TACC2: variants seen among roughly 807,000 people sequenced by gnomAD.
TACC2 encodes the protein transforming acidic coiled-coil-containing protein 2.
A neutral mutation model predicts 227.3 loss-of-function variants in TACC2; 137 were observed. The observed-to-expected ratio is 0.60, with a 90% CI of 0.52 to 0.69. The LOEUF is 0.69. Ranked by LOEUF, TACC2 falls within the 30% of genes least tolerant of loss-of-function variation. TACC2 has a pLI of 0.00. For missense variants in TACC2, 3,470 were observed against 3,694.4 expected, an observed-to-expected ratio of 0.94 and a Z score of 1.57; for synonymous variants, 1,523 against 1,487.5, an observed-to-expected ratio of 1.02 and a Z score of -0.55.
intron 1 of TACC2, among the ~76,000 whole-genome samples, chr10:122,015,132 T>C (rs1263768156): frequency 6.7e-6 from 1 of 150,016 alleles, no homozygotes; most frequent in Non-Finnish European, 1.5e-5. Context: ...GGACAAAACA[T>C]ATCTCATAGC....
At chr10:122,146,126 C>T (rs544059382) in intron 7 of TACC2, among the ~76,000 whole-genome samples, 1 of 152,250 alleles carries the variant, frequency 6.6e-6, no homozygotes, top group East Asian at 1.9e-4. Context: ...CACAACCTCA[C>T]TTAGTCTGGG....
Position 121,989,164 on chromosome 10 carries a change from T to G in TACC2, c.-370T>G, listed in dbSNP as rs1952935402. ...TCCCAAGTGCTGGCAGACCACTGCA[T>G]AAGTGGACAGCCTGCTCCAAGGGAA... On this transcript the variant is annotated 5_prime_UTR_variant, in exon 1 of 23. Coordinates refer to ENST00000369005, the MANE Select transcript of TACC2 (RefSeq NM_206862.4). The G allele has an allele frequency of 6.6e-6, 1 of 152,260 alleles. No individual in the cohort carries two copies. Among genetic ancestry groups the G allele is most frequent in the South Asian group, 2.1e-4 (1 of 4,836 alleles). 9.4% of individuals were successfully genotyped at this position (152,260 alleles called of 1,614,324 possible). A position where few individuals can be genotyped will look rare whatever the true frequency, so the allele number is the denominator to read the frequency against.
In TACC2 at chr10:122,087,126, A is replaced by G; in HGVS notation, c.4626A>G (p.Glu1542=). ...CTGGGGCAGCCTGGCCAGGCCTGGA[A>G]GGCCAGGCTTACTCACAGCTGGAGA... ...EGPGAAWPGL[E]GQAYSQLERS... The change falls in exon 4 of 23, where the codon GAA becomes GAG. Residue 1542 remains glutamate, a synonymous_variant. Coordinates refer to ENST00000369005, the MANE Select transcript of TACC2 (RefSeq NM_206862.4). 1 of 1,610,028 alleles carries G rather than the reference A, an allele frequency of 6.2e-7. No individual in the cohort carries two copies. The highest frequency in any genetic ancestry group is 1.1e-5 in the South Asian group (1 of 90,546).
Position 122,227,942 on chromosome 10 carries a change from A to G in TACC2, c.7830A>G (p.Pro2610=), listed in dbSNP as rs2095660063. ...ACCAAGAGTCACACTTGCAGGTGCC[A>G]GAGAAATCCTCCCAGAAGGAGCTGG... ...APNQESHLQV[P]EKSSQKELEA... The change falls in exon 14 of 23, where the codon CCA becomes CCG. Residue 2610 remains proline, a synonymous_variant. Transcript: ENST00000369005. 6.2e-7 allele frequency: 1 copy of G among 1,614,260 alleles called. No homozygotes were observed. Among genetic ancestry groups the G allele is most frequent in the African/African-American group, 1.3e-5 (1 of 75,074 alleles).
chr10:122,075,200 A>AAG (rs1554997867), intron 3 of TACC2, among the ~76,000 whole-genome samples: 41,698 of 121,672 alleles, frequency 0.34, 6,320 homozygotes, highest in Non-Finnish European at 0.36. Context: ...AAAAAAAAAA[A>AAG]AAAGAAAGAA....
At chr10:122,164,721 A>G (rs1277676869) in intron 7 of TACC2, among the ~76,000 whole-genome samples, 1 of 152,098 alleles carries the variant, frequency 6.6e-6, no homozygotes, top group African/African-American at 2.4e-5. Context: ...GGCGTATTGA[A>G]TGGGTCTGCC....
At chr10:122,052,682 C>CAAAAAAAAAA (rs35294781) in intron 3 of TACC2, 1 of 133,838 alleles carries the variant, frequency 7.5e-6, no homozygotes, top group Non-Finnish European at 1.6e-5. Flanking sequence ...GACTACGCCT[C>CAAAAAAAAAA]AAAAAAAAAA....
chr10:122,237,882 CT>C (rs2095890226), intron 17 of TACC2, 78 bp from the exon 18 acceptor site: 2 of 1,073,032 alleles, frequency 1.9e-6, no homozygotes, highest in Admixed American at 2.2e-5. Context: ...TCACCGTCTC[CT>C]TTTCTTGATC....
chr10:122,197,591 C>A (rs1274932514), intron 8 of TACC2, among the ~76,000 whole-genome samples: 1 of 152,230 alleles, frequency 6.6e-6, no homozygotes, highest in Non-Finnish European at 1.5e-5. Flanking sequence ...AAGATAACCC[C>A]CACCAGGGAA....
intron 19 of TACC2, among the ~76,000 whole-genome samples, chr10:122,245,361 T>A (rs1392095293): frequency 6.6e-6 from 1 of 152,098 alleles, no homozygotes; most frequent in Non-Finnish European, 1.5e-5. Context: ...TAATTCTATT[T>A]TTAAAAAGGG....
intron 2 of TACC2, among the ~76,000 whole-genome samples, chr10:122,035,854 TGAG>T (rs1043469598): frequency 7.2e-5 from 11 of 152,206 alleles, no homozygotes; most frequent in African/African-American, 2.6e-4. Context: ...ATTCTGTCGC[TGAG>T]GATGGAGTGC....
At chr10:122,043,476 T>G (rs2074558390) in intron 2 of TACC2, among the ~76,000 whole-genome samples, 1 of 150,792 alleles carries the variant, frequency 6.6e-6, no homozygotes, top group African/African-American at 2.4e-5. Flanking sequence ...TTTCTTTCTT[T>G]TTCTCTTTCT....
intron 5 of TACC2, among the ~76,000 whole-genome samples, chr10:122,131,878 C>T (rs1368350424): frequency 2.0e-5 from 3 of 151,882 alleles, no homozygotes; most frequent in East Asian, 3.9e-4. Flanking sequence ...AAAAATTAGC[C>T]AGGCGTGGTG....
intron 3 of TACC2, among the ~76,000 whole-genome samples, chr10:122,073,135 A>G (rs2078325491): frequency 1.3e-5 from 1 of 78,784 alleles, no homozygotes; most frequent in Non-Finnish European, 2.8e-5. Flanking sequence ...AAATATATAT[A>G]TATATATATA....
chr10:122,035,431 T>C (rs1386886959), intron 2 of TACC2, among the ~76,000 whole-genome samples: 1 of 152,184 alleles, frequency 6.6e-6, no homozygotes, highest in East Asian at 1.9e-4. Context: ...CTTTATTAAA[T>C]GTGTATTGTT....
At chr10:122,240,048 G>A (rs1297978447) in intron 18 of TACC2, among the ~76,000 whole-genome samples, 1 of 152,220 alleles carries the variant, frequency 6.6e-6, no homozygotes, top group Non-Finnish European at 1.5e-5. Context: ...GATCCTGGAA[G>A]AGTTTCTGAA....
intron 7 of TACC2, chr10:122,163,984 C>T (rs2092992595): frequency 6.3e-7 from 1 of 1,584,804 alleles, no homozygotes; most frequent in Non-Finnish European, 8.6e-7. Context: ...TGGAGGCTTC[C>T]GAGGCAATGT....
At chr10:122,199,880 C>A (rs1287559081) in intron 8 of TACC2, among the ~76,000 whole-genome samples, 1 of 152,202 alleles carries the variant, frequency 6.6e-6, no homozygotes. Context: ...TGAAAGGACA[C>A]ACAGTCTTCC....
At chr10:122,163,737 C>T (rs2092971346) in intron 7 of TACC2, 8 of 1,157,228 alleles carry the variant, frequency 6.9e-6, no homozygotes, top group East Asian at 3.8e-5. Context: ...CGCCCCCCGG[C>T]CCCCGGCTCG....
Sources: allele counts gnomAD v4.1 joint callset (sites outside exome capture counted in the v4.1 genomes callset), GRCh38; gene constraint gnomAD v4.1.1; transcripts MANE v1.5; gene names NCBI Gene and HGNC (gene_info 2026-07-23, HGNC 2026-07-21).